Variants in RBMS3 observed in about 807,000 individuals in gnomAD.
RBMS3 encodes RNA binding motif single stranded interacting protein 3, also known as RNA-binding motif, single-stranded-interacting protein 3.
Under a neutral mutation model 66.8 loss-of-function variants are expected in RBMS3, and 27 were observed. The observed-to-expected ratio is 0.40, with a 90% CI of 0.30 to 0.56. RBMS3 has a LOEUF of 0.56. Among genes scored for constraint, RBMS3 ranks in the 20% least tolerant of loss-of-function variants. RBMS3 has a pLI of 0.40. For missense variants in RBMS3, 513 were observed against 549.5 expected, an observed-to-expected ratio of 0.93 and a Z score of 0.66; for synonymous variants, 188 against 183.0, an observed-to-expected ratio of 1.03 and a Z score of -0.22.
At chr3:29,683,731 G>C (rs1576515723) in intron 4 of RBMS3, among the ~76,000 whole-genome samples, 1 of 152,216 alleles carries the variant, frequency 6.6e-6, no homozygotes, top group Admixed American at 6.5e-5. Flanking sequence ...AACAGAGACA[G>C]TCTGTCTGAA....
chr3:29,963,828 C>CAAAAAA (rs759079889), intron 12 of RBMS3, among the ~76,000 whole-genome samples: 1 of 121,658 alleles, frequency 8.2e-6, no homozygotes, highest in African/African-American at 3.2e-5. Flanking sequence ...CTGCCCCCTC[C>CAAAAAA]AAAAAAAAAA....
intron 4 of RBMS3, among the ~76,000 whole-genome samples, chr3:29,719,802 C>A (rs1416367125): frequency 6.6e-6 from 1 of 152,168 alleles, no homozygotes; most frequent in African/African-American, 2.4e-5. Context: ...AAACAGATTT[C>A]TTAATCCACT....
intron 5 of RBMS3, among the ~76,000 whole-genome samples, chr3:29,740,160 G>A (rs2054572540): frequency 6.6e-6 from 1 of 151,948 alleles, no homozygotes. Context: ...CTGTGCCTGT[G>A]GATCAACAAA....
chr3:29,595,411 A>AG (rs1553628196), intron 4 of RBMS3, among the ~76,000 whole-genome samples: 61 of 151,464 alleles, frequency 4.0e-4, no homozygotes, highest in African/African-American at 1.3e-3. Flanking sequence ...AAAAAAAAAA[A>AG]AAAAGAAAAG....
chr3:29,353,747 T>C (rs1395559556), intron 1 of RBMS3, among the ~76,000 whole-genome samples: 1 of 152,066 alleles, frequency 6.6e-6, no homozygotes, highest in Non-Finnish European at 1.5e-5. Context: ...TGCTTGAAAG[T>C]TTCTACCAAG....
At chr3:29,323,691 T>TACACACACACACACACACACAC (rs10565045) in intron 1 of RBMS3, among the ~76,000 whole-genome samples, 1 of 144,270 alleles carries the variant, frequency 6.9e-6, no homozygotes, top group African/African-American at 2.5e-5. Flanking sequence ...CACACACACA[T>TACACACACACACACACACACAC]ACACACACAC....
chr3:29,703,878 A>G (rs2052748174), intron 4 of RBMS3, among the ~76,000 whole-genome samples: 1 of 152,144 alleles, frequency 6.6e-6, no homozygotes, highest in Non-Finnish European at 1.5e-5. Flanking sequence ...ATCTGTATTT[A>G]CAGCTGCTCC....
intron 10 of RBMS3, among the ~76,000 whole-genome samples, chr3:29,922,507 A>G (rs976286130): frequency 2.0e-5 from 3 of 151,560 alleles, no homozygotes; most frequent in African/African-American, 4.8e-5. Context: ...AAAAAAAAAA[A>G]AAAAAAAGAA....
chr3:29,874,679 C>T (rs1408466007), intron 7 of RBMS3, among the ~76,000 whole-genome samples: 5 of 152,104 alleles, frequency 3.3e-5, no homozygotes, highest in Non-Finnish European at 1.5e-5. Flanking sequence ...ATTTTATGTG[C>T]TTTATCTGCA....
chr3:29,655,279 G>A lies in RBMS3; in HGVS notation c.399+68074G>A, dbSNP rs72846055. 9.9e-5 allele frequency among the ~76,000 whole-genome samples: 15 copies of A among 152,236 alleles called. 1 individual carries two copies. Among genetic ancestry groups the A allele is most frequent in the African/African-American group, 3.4e-4 (14 of 41,540 alleles). ...AGAGAGCTGGTCCATTTAGCTCCCCGTCTGCAGGGAGTTATAAAAGAAGAA... is the reference window on the plus strand; with the variant it reads ...AGAGAGCTGGTCCATTTAGCTCCCCATCTGCAGGGAGTTATAAAAGAAGAA... On this transcript the variant is annotated intron_variant, in intron 4 of 14. Transcript: ENST00000383767.
intron 6 of RBMS3, among the ~76,000 whole-genome samples, chr3:29,765,295 A>G (rs540230845): frequency 1.3e-5 from 2 of 151,936 alleles, no homozygotes; most frequent in Non-Finnish European, 2.9e-5. Flanking sequence ...AATAGCTGAA[A>G]TCTTACTTTC....
At chr3:29,337,797 A>G (rs2036040788) in intron 1 of RBMS3, among the ~76,000 whole-genome samples, 1 of 152,142 alleles carries the variant, frequency 6.6e-6, no homozygotes, top group East Asian at 1.9e-4. Context: ...TTACAATACT[A>G]CTTGTCTCTA....
intron 1 of RBMS3, among the ~76,000 whole-genome samples, chr3:29,410,741 C>T (rs1473877249): frequency 6.6e-6 from 1 of 152,080 alleles, no homozygotes; most frequent in Non-Finnish European, 1.5e-5. Context: ...ATGATGAGCC[C>T]TCTGTTTAAA....
intron 2 of RBMS3, among the ~76,000 whole-genome samples, chr3:29,458,152 G>T (rs2042256041): frequency 6.6e-6 from 1 of 152,044 alleles, no homozygotes; most frequent in African/African-American, 2.4e-5. Context: ...CTTCCAACCA[G>T]ACTGTAAGTT....
Position 29,574,046 on chromosome 3 carries a change from G to T in RBMS3, c.308-13068G>T, listed in dbSNP as rs144332588. Among the ~76,000 whole-genome samples the T allele has an allele frequency of 1.1e-4, 17 of 152,302 alleles. No individual in the cohort carries two copies. The East Asian group carries it at 3.3e-3, about 29-fold the overall frequency. On this transcript the variant is annotated intron_variant, in intron 3 of 14. Transcript: ENST00000383767. ...ATTGTGTATTCTGTTGTCTCTGGAT[G>T]AAATGTTTTGTAAATATCTATTAGG...
intron 1 of RBMS3, among the ~76,000 whole-genome samples, chr3:29,290,321 ATAAT>A (rs1274379140): frequency 6.6e-5 from 10 of 151,892 alleles, no homozygotes; most frequent in African/African-American, 1.2e-4. Flanking sequence ...TTATTTGCTA[ATAAT>A]TAATCTCATC....
At chr3:29,847,786 G>T (rs1255948957) in intron 6 of RBMS3, among the ~76,000 whole-genome samples, 1 of 152,088 alleles carries the variant, frequency 6.6e-6, no homozygotes, top group African/African-American at 2.4e-5. Flanking sequence ...CTCCCAAGTA[G>T]CTGGGACTAC....
At chr3:29,770,379 T>G (rs2056146432) in intron 6 of RBMS3, among the ~76,000 whole-genome samples, 1 of 151,964 alleles carries the variant, frequency 6.6e-6, no homozygotes. Flanking sequence ...ACTCTGTAAT[T>G]TTTAATCAAT....
chr3:29,598,225 C>T (rs192724344), intron 4 of RBMS3, among the ~76,000 whole-genome samples: 10 of 152,176 alleles, frequency 6.6e-5, no homozygotes, highest in Admixed American at 3.3e-4. Flanking sequence ...CAGAATGCAG[C>T]ACACAGAAGT....
Sources: allele counts gnomAD v4.1 joint callset (sites outside exome capture counted in the v4.1 genomes callset), GRCh38; gene constraint gnomAD v4.1.1; transcripts MANE v1.5; gene names NCBI Gene and HGNC (gene_info 2026-07-23, HGNC 2026-07-21).